Variants in RHBDD1 observed in about 807,000 individuals in gnomAD.
The protein encoded by RHBDD1 is rhomboid-related protein 4.
In RHBDD1, 38 loss-of-function variants were observed where a neutral mutation model predicts 36.3. That is an observed-to-expected ratio of 1.05 (90% CI 0.81 to 1.37). The LOEUF is 1.37. RHBDD1 is among the 40% of genes most tolerant of loss of function. The pLI is 0.00. For synonymous variants in RHBDD1, 151 were observed against 136.5 expected, an observed-to-expected ratio of 1.11 and a Z score of -0.74; for missense variants, 393 against 377.6, an observed-to-expected ratio of 1.04 and a Z score of -0.34.
chr2:226,861,032 A>G (rs1026042954), intron 3 of RHBDD1, among the ~76,000 whole-genome samples: 5 of 152,218 alleles, frequency 3.3e-5, no homozygotes, highest in Non-Finnish European at 7.3e-5. Flanking sequence ...TTTATTAAAT[A>G]CATGAGTGAA....
the RHBDD1 span, among the ~76,000 whole-genome samples, chr2:226,813,454 G>A: frequency 6.6e-6 from 1 of 152,270 alleles, no homozygotes; most frequent in East Asian, 1.9e-4. Flanking sequence ...AGACAGGGGG[G>A]CTATTGTCAT....
At chr2:226,807,817 G>C in the RHBDD1 span, among the ~76,000 whole-genome samples, 3 of 152,124 alleles carry the variant, frequency 2.0e-5, no homozygotes, top group African/African-American at 7.2e-5. Flanking sequence ...AAGACACTCT[G>C]GGCTGGGCGC....
In RHBDD1 at chr2:226,929,739, A is replaced by G. The variant is rs145992027; in HGVS notation, c.856+15388A>G. Among the ~76,000 whole-genome samples the G allele has an allele frequency of 3.3e-3, 496 of 152,126 alleles. 2 individuals are homozygous for G. Among genetic ancestry groups the G allele is most frequent in the African/African-American group, 0.011 (477 of 41,544 alleles). On this transcript the variant is annotated intron_variant, in intron 8 of 8. Coordinates refer to ENST00000392062, the MANE Select transcript of RHBDD1 (RefSeq NM_001167608.3). ...CTGATGATATGATTGTATGCTTGGAAAACCCAAAAGACGACTCCAAAAGAC... is the reference window on the plus strand; with the variant it reads ...CTGATGATATGATTGTATGCTTGGAGAACCCAAAAGACGACTCCAAAAGAC...
the RHBDD1 span, among the ~76,000 whole-genome samples, chr2:226,829,262 G>A: frequency 1.3e-5 from 2 of 152,048 alleles, no homozygotes; most frequent in Non-Finnish European, 2.9e-5. Context: ...ACACTGTCAC[G>A]ATTACTATAA....
At chr2:226,822,444 G>A in the RHBDD1 span, among the ~76,000 whole-genome samples, 3 of 151,346 alleles carry the variant, frequency 2.0e-5, no homozygotes, top group African/African-American at 7.3e-5. Flanking sequence ...AGATCAGCCT[G>A]GCCAACATGG....
intron 8 of RHBDD1, among the ~76,000 whole-genome samples, chr2:226,914,840 GGCTT>G (rs1464988512): frequency 8.5e-5 from 13 of 152,090 alleles, no homozygotes; most frequent in African/African-American, 3.1e-4. Context: ...GTTTTGAACA[GGCTT>G]TCCAGGAGAT....
intron 8 of RHBDD1, among the ~76,000 whole-genome samples, chr2:226,994,645 T>A (rs1000351444): frequency 3.3e-5 from 5 of 152,306 alleles, no homozygotes; most frequent in Non-Finnish European, 7.4e-5. Context: ...GGTTTCCTCA[T>A]GGGGAATATT....
chr2:226,828,482 A>G, the RHBDD1 span, among the ~76,000 whole-genome samples: 1,634 of 152,280 alleles, frequency 0.011, 27 homozygotes, highest in South Asian at 0.043. Flanking sequence ...TTAACTTTCT[A>G]AAAAACTGCA....
chr2:226,864,739 C>T lies in RHBDD1; in HGVS notation c.46C>T (p.Leu16Phe), dbSNP rs1944176247. The T allele has an allele frequency of 5.0e-6, 8 of 1,614,158 alleles. No individual in the cohort carries two copies. The highest frequency in any genetic ancestry group is 5.1e-6 in the Non-Finnish European group (6 of 1,180,012). Reference sequence around the variant, plus strand: ...GATAAATACTGGACTTATTCTACTCCTTTCTCAAATCTTCCATGTTGGGAT... The same window carrying T: ...GATAAATACTGGACTTATTCTACTCTTTTCTCAAATCTTCCATGTTGGGAT... Reference protein sequence around the residue: ...RGINTGLILLLSQIFHVGINN... With the variant: ...RGINTGLILLFSQIFHVGINN... Residue 16 changes from leucine (L) to phenylalanine (F), a missense_variant, in exon 4 of 9, where the codon CTT (leucine) becomes TTT (phenylalanine). Transcript: ENST00000392062.
intron 8 of RHBDD1, among the ~76,000 whole-genome samples, chr2:226,918,822 A>G (rs972060769): frequency 4.6e-5 from 7 of 152,072 alleles, no homozygotes; most frequent in Non-Finnish European, 5.9e-5. Context: ...TCTTTTGGGC[A>G]TATACCTAGC....
intron 8 of RHBDD1, among the ~76,000 whole-genome samples, chr2:226,946,959 A>G (rs1007814123): frequency 4.6e-5 from 7 of 152,226 alleles, no homozygotes; most frequent in Non-Finnish European, 7.3e-5. Flanking sequence ...AACAGAACCA[A>G]TGACAAAAAC....
chr2:226,990,399 G>A (rs146032828), intron 8 of RHBDD1, among the ~76,000 whole-genome samples: 245 of 152,172 alleles, frequency 1.6e-3, no homozygotes, highest in African/African-American at 5.7e-3. Context: ...TCCTGGTTTA[G>A]AAAAAAAGTG....
intron 8 of RHBDD1, among the ~76,000 whole-genome samples, chr2:226,956,685 G>C (rs150171357): frequency 6.6e-6 from 1 of 152,290 alleles, no homozygotes; most frequent in East Asian, 1.9e-4. Flanking sequence ...CTAACAGAAA[G>C]ATCTGTCTCC....
intron 5 of RHBDD1, among the ~76,000 whole-genome samples, chr2:226,892,078 A>T (rs894117614): frequency 2.0e-5 from 3 of 152,164 alleles, no homozygotes; most frequent in Non-Finnish European, 4.4e-5. Flanking sequence ...CACTAGGGTG[A>T]CTTTTGTTCA....
intron 5 of RHBDD1, among the ~76,000 whole-genome samples, chr2:226,905,691 TA>T (rs1273386220): frequency 1.3e-5 from 2 of 152,218 alleles, no homozygotes; most frequent in Non-Finnish European, 2.9e-5. Context: ...TTCTTTCATT[TA>T]TTTTATTCAT....
chr2:226,843,517 G>C (rs1303593379), intron 3 of RHBDD1, among the ~76,000 whole-genome samples: 1 of 152,120 alleles, frequency 6.6e-6, no homozygotes, highest in Non-Finnish European at 1.5e-5. Flanking sequence ...TTCTGCATCA[G>C]TTGAGATACT....
chr2:226,896,032 G>A (rs1001025649), intron 5 of RHBDD1, among the ~76,000 whole-genome samples: 1 of 152,022 alleles, frequency 6.6e-6, no homozygotes, highest in Non-Finnish European at 1.5e-5. Flanking sequence ...ATATGTTTAT[G>A]TATATTTGTG....
At chr2:226,814,081 T>C in the RHBDD1 span, among the ~76,000 whole-genome samples, 5 of 152,150 alleles carry the variant, frequency 3.3e-5, no homozygotes, top group African/African-American at 1.2e-4. Context: ...ATGAGTTCTA[T>C]ATAGGGGGTG....
At chr2:226,852,232 A>G (rs1365840375) in intron 3 of RHBDD1, among the ~76,000 whole-genome samples, 1 of 152,190 alleles carries the variant, frequency 6.6e-6, no homozygotes, top group Non-Finnish European at 1.5e-5. Context: ...AGATGATAGT[A>G]TCATTTGAAA....
Sources: allele counts gnomAD v4.1 joint callset (sites outside exome capture counted in the v4.1 genomes callset), GRCh38; gene constraint gnomAD v4.1.1; transcripts MANE v1.5; gene names NCBI Gene and HGNC (gene_info 2026-07-23, HGNC 2026-07-21).